The following SORCS1 variants were observed in gnomAD, a reference collection of about 807,000 sequenced individuals.
The protein encoded by SORCS1 is sortilin related VPS10 domain containing receptor 1.
Under a neutral mutation model 146.1 loss-of-function variants are expected in SORCS1, and 60 were observed. The ratio of observed to expected loss-of-function variants is 0.41; its 90% confidence interval spans 0.33 to 0.51. SORCS1 has a LOEUF of 0.51. Among genes scored for constraint, SORCS1 ranks in the 20% least tolerant of loss-of-function variants. SORCS1 has a pLI of 0.21. For synonymous variants in SORCS1, 637 were observed against 584.0 expected, an observed-to-expected ratio of 1.09 and a Z score of -1.31; for missense variants, 1,352 against 1,487.6, an observed-to-expected ratio of 0.91 and a Z score of 1.50.
chr10:106,830,505 T>A (rs909226477), intron 2 of SORCS1, among the ~76,000 whole-genome samples: 1 of 151,410 alleles, frequency 6.6e-6, no homozygotes, highest in African/African-American at 2.4e-5. Flanking sequence ...AATGGACAGC[T>A]AGAAATTGAA....
intron 2 of SORCS1, among the ~76,000 whole-genome samples, chr10:106,937,989 AAG>A (rs1320817613): frequency 2.1e-5 from 3 of 142,230 alleles, no homozygotes. Context: ...AAAAAAAAAA[AAG>A]AAAGAAAGGA....
intron 4 of SORCS1, among the ~76,000 whole-genome samples, chr10:106,772,396 C>A (rs1267927061): frequency 5.3e-5 from 8 of 152,122 alleles, no homozygotes; most frequent in Admixed American, 2.0e-4. Context: ...TTGCAGATGG[C>A]AGATCTTGGG....
chr10:106,683,156 T>C (rs954123622), intron 10 of SORCS1, among the ~76,000 whole-genome samples: 2 of 152,242 alleles, frequency 1.3e-5, no homozygotes, highest in Non-Finnish European at 2.9e-5. Flanking sequence ...AGTGGACCTC[T>C]AGTTACTAGT....
chr10:106,634,403 T>C lies in SORCS1; in HGVS notation c.2476-5015A>G, dbSNP rs145840915. Among the ~76,000 whole-genome samples, 188 of 152,328 alleles carry C rather than the reference T, an allele frequency of 1.2e-3. 6 individuals are homozygous for C. In the East Asian group the frequency reaches 0.027, roughly 22 times the overall value. ...TGTGGATGTTAGGACATCTAGGAGA[T>C]AGAAAGGACAGATGTTATTTATGTT... On this transcript the variant is annotated intron_variant, in intron 18 of 25. Coordinates refer to ENST00000263054, the MANE Select transcript of SORCS1 (RefSeq NM_052918.5).
chr10:106,697,915 A>T (rs1301034419), intron 9 of SORCS1, among the ~76,000 whole-genome samples: 1 of 152,232 alleles, frequency 6.6e-6, no homozygotes, highest in Non-Finnish European at 1.5e-5. Context: ...AATTTCTTCT[A>T]GAATACAGTC....
Position 107,060,543 on chromosome 10 carries a change from T to G in SORCS1, c.558+103426A>C, listed in dbSNP as rs919912223. Among the ~76,000 whole-genome samples the G allele has an allele frequency of 4.6e-5, 7 of 152,168 alleles. No homozygotes were observed. Among genetic ancestry groups the G allele is most frequent in the African/African-American group, 1.7e-4 (7 of 41,450 alleles). On this transcript the variant is annotated intron_variant, in intron 1 of 25. Coordinates refer to ENST00000263054, the MANE Select transcript of SORCS1 (RefSeq NM_052918.5). This position sits in a 1 kb window ranked among gnomAD's most constrained non-coding sequence, Gnocchi z 4.1. ...TCAGTCCTCATATTTCCCAACATCC[T>G]CTCAGGCCTCAAGGACCTTCCTTGG...
chr10:106,984,214 G>T (rs1424410165), intron 1 of SORCS1, among the ~76,000 whole-genome samples: 3 of 152,126 alleles, frequency 2.0e-5, no homozygotes, highest in African/African-American at 4.8e-5. Flanking sequence ...ATTTTAGGAA[G>T]ATAGCATGGC....
chr10:107,155,010 A>G (rs1160782378), intron 1 of SORCS1, among the ~76,000 whole-genome samples: 1 of 152,198 alleles, frequency 6.6e-6, no homozygotes, highest in African/African-American at 2.4e-5. Context: ...AATTAACCCA[A>G]TAAATTATAT....
At chr10:107,137,801 G>A (rs1437972354) in intron 1 of SORCS1, among the ~76,000 whole-genome samples, 12 of 150,912 alleles carry the variant, frequency 8.0e-5, no homozygotes, top group African/African-American at 2.2e-4. Context: ...GGCAGAGGTT[G>A]CAGCGAGCCA....
Position 107,007,972 on chromosome 10 carries a change from A to G in SORCS1, c.559-51392T>C, listed in dbSNP as rs773278397. Reference sequence around the variant, plus strand: ...CTAAATTTCAGCTCCTCCCATGATAATATTATAAAGTGCTTTGTATGTTGT... The same window carrying G: ...CTAAATTTCAGCTCCTCCCATGATAGTATTATAAAGTGCTTTGTATGTTGT... On this transcript the variant is annotated intron_variant, in intron 1 of 25. Transcript: ENST00000263054. 7.3e-5 allele frequency among the ~76,000 whole-genome samples: 11 copies of G among 151,442 alleles called. No individual in the cohort carries two copies. In the South Asian group the frequency reaches 2.3e-3, roughly 31 times the overall value.
intron 2 of SORCS1, among the ~76,000 whole-genome samples, chr10:106,942,491 A>G (rs1564835451): frequency 6.6e-6 from 1 of 152,174 alleles, no homozygotes. Flanking sequence ...GGATCTCAGC[A>G]TTATTCAGCA....
At chr10:106,843,482 A>C (rs1439092095) in intron 2 of SORCS1, among the ~76,000 whole-genome samples, 3 of 132,152 alleles carry the variant, frequency 2.3e-5, no homozygotes, top group African/African-American at 8.9e-5. Flanking sequence ...CAGGCTGGAG[A>C]GTGCAGTGGC....
intron 2 of SORCS1, among the ~76,000 whole-genome samples, chr10:106,926,229 A>C (rs1386306020): frequency 2.0e-5 from 3 of 152,242 alleles, no homozygotes; most frequent in Non-Finnish European, 2.9e-5. Flanking sequence ...GCAGGGGGTT[A>C]ATGTTTTTAA....
intron 1 of SORCS1, among the ~76,000 whole-genome samples, chr10:107,141,245 T>C (rs1170524354): frequency 6.6e-6 from 1 of 152,190 alleles, no homozygotes; most frequent in Non-Finnish European, 1.5e-5. Flanking sequence ...AGCAACCCCC[T>C]GGGCTAAGTT....
At position 107,164,642 on chromosome 10, in the gene SORCS1, C is replaced by T. The variant is rs1267315535; in HGVS notation, c.-116G>A. The T allele has an allele frequency of 5.8e-6, 5 of 858,096 alleles. No homozygotes were observed. The highest frequency in any genetic ancestry group is 6.2e-6 in the Non-Finnish European group (4 of 643,990). The allele number at this position is 858,096 out of a possible 1,614,324, so 53.2% of individuals were successfully genotyped here. A position where few individuals can be genotyped will look rare whatever the true frequency, so the allele number is the denominator to read the frequency against. ...GGACCCCAACTCCATCCAAGTTGCG[C>T]CGCGGTGGGGGCGGGCGGAGGCGGC... On this transcript the variant is annotated 5_prime_UTR_variant, in exon 1 of 26. Transcript: ENST00000263054. This position sits in a 1 kb window ranked among gnomAD's most constrained non-coding sequence, Gnocchi z 6.8.
At chr10:106,868,273 A>G (rs1046328255) in intron 2 of SORCS1, among the ~76,000 whole-genome samples, 2 of 152,030 alleles carry the variant, frequency 1.3e-5, no homozygotes, top group Non-Finnish European at 2.9e-5. Context: ...CACCCCACTG[A>G]CAGTATTAGA....
intron 1 of SORCS1, among the ~76,000 whole-genome samples, chr10:107,078,668 G>T (rs1358459841): frequency 6.6e-6 from 1 of 151,960 alleles, no homozygotes; most frequent in Non-Finnish European, 1.5e-5. Context: ...ACTACCTAAA[G>T]CTTTGTACTT....
At chr10:106,854,361 T>G (rs1196755157) in intron 2 of SORCS1, among the ~76,000 whole-genome samples, 2 of 152,058 alleles carry the variant, frequency 1.3e-5, no homozygotes, top group African/African-American at 4.8e-5. Flanking sequence ...AGTGGGTTTC[T>G]TGTAGACAAC....
At chr10:106,941,804 G>A (rs541857950) in intron 2 of SORCS1, among the ~76,000 whole-genome samples, 2 of 152,350 alleles carry the variant, frequency 1.3e-5, no homozygotes. Flanking sequence ...TATTACTTCA[G>A]CCTAATATCT....
Sources: allele counts gnomAD v4.1 joint callset (sites outside exome capture counted in the v4.1 genomes callset), GRCh38; gene constraint gnomAD v4.1.1; non-coding constraint Gnocchi (gnomAD v3.1); transcripts MANE v1.5; gene names NCBI Gene and HGNC (gene_info 2026-07-23, HGNC 2026-07-21).